The following TMTC2 variants were observed in gnomAD, a reference collection of about 807,000 sequenced individuals.
The protein encoded by TMTC2 is protein O-mannosyl-transferase TMTC2.
A neutral mutation model predicts 82.4 loss-of-function variants in TMTC2; 43 were observed. The observed-to-expected ratio is 0.52, with a 90% CI of 0.41 to 0.67. The LOEUF is 0.67. Among genes scored for constraint, TMTC2 ranks in the 30% least tolerant of loss-of-function variants. TMTC2 has a pLI of 0.00. For missense variants in TMTC2, 919 were observed against 1,012.4 expected (o/e 0.91, Z 1.25); for synonymous variants, 408 against 381.9 (o/e 1.07, Z -0.80).
At chr12:82,872,854 T>C (rs1339087718) in intron 2 of TMTC2, among the ~76,000 whole-genome samples, 2 of 152,174 alleles carry the variant, frequency 1.3e-5, no homozygotes, top group African/African-American at 4.8e-5. Context: ...ATGATTTTGA[T>C]TTTTTTAAAA....
At chr12:82,760,544 AAG>A (rs1876565680) in intron 1 of TMTC2, among the ~76,000 whole-genome samples, 2 of 150,626 alleles carry the variant, frequency 1.3e-5, no homozygotes. Flanking sequence ...TCTCCAGAGA[AAG>A]AGACATTTTA....
intron 1 of TMTC2, among the ~76,000 whole-genome samples, chr12:82,837,865 C>G (rs1018260431): frequency 6.6e-6 from 1 of 151,966 alleles, no homozygotes; most frequent in Non-Finnish European, 1.5e-5. Flanking sequence ...AAATGGCTTC[C>G]CTAGTACAGG....
chr12:83,132,066 G>A, intron 11 of TMTC2, 144 bp from the exon 12 acceptor site: 1 of 907,486 alleles, frequency 1.1e-6, no homozygotes, highest in Non-Finnish European at 1.6e-6. Flanking sequence ...ATCTTTATCT[G>A]TTTGTATAAA....
In TMTC2 at chr12:83,093,306, G is replaced by T. The variant is rs117912863; in HGVS notation, c.2331+31475G>T. ...TAAAAATTACATTTTTACATGTTCT[G>T]CCCTTGTCTGAACTTGACCAAAAAA... On this transcript the variant is annotated intron_variant, in intron 11 of 11. Transcript: ENST00000321196. Among the ~76,000 whole-genome samples, 872 of 152,220 alleles carry T rather than the reference G, an allele frequency of 5.7e-3. 5 individuals are homozygous for T. The highest frequency in any genetic ancestry group is 8.6e-3 in the Non-Finnish European group (582 of 68,006).
intron 3 of TMTC2, among the ~76,000 whole-genome samples, chr12:82,897,936 G>T (rs924496179): frequency 2.7e-5 from 4 of 149,916 alleles, no homozygotes; most frequent in African/African-American, 7.5e-5. Flanking sequence ...AACTGTTCCA[G>T]AATATGAAAA....
chr12:82,845,252 A>AATATATATATATAT (rs1555190263), intron 1 of TMTC2, among the ~76,000 whole-genome samples: 4 of 38,806 alleles, frequency 1.0e-4, no homozygotes, highest in African/African-American at 4.1e-4. Flanking sequence ...AAAAAAAAAA[A>AATATATATATATAT]ATATATATAT....
intron 3 of TMTC2, among the ~76,000 whole-genome samples, chr12:82,927,783 G>C (rs1185398851): frequency 1.3e-5 from 2 of 152,180 alleles, no homozygotes; most frequent in Non-Finnish European, 2.9e-5. Flanking sequence ...CAAAGATTAA[G>C]ACTCACCAAG....
chr12:82,969,209 A>C (rs140507617), intron 7 of TMTC2, among the ~76,000 whole-genome samples: 8 of 152,266 alleles, frequency 5.3e-5, no homozygotes, highest in African/African-American at 1.9e-4. Flanking sequence ...TTATCCTATC[A>C]AGTTTATCAA....
At chr12:82,728,071 C>T (rs978532575) in intron 1 of TMTC2, among the ~76,000 whole-genome samples, 1 of 152,046 alleles carries the variant, frequency 6.6e-6, no homozygotes, top group African/African-American at 2.4e-5. Context: ...CCTGTGGTAC[C>T]AGGCAGTTTC....
At chr12:82,986,733 A>T (rs1396107201) in intron 8 of TMTC2, among the ~76,000 whole-genome samples, 1 of 152,244 alleles carries the variant, frequency 6.6e-6, no homozygotes, top group African/African-American at 2.4e-5. Context: ...CCATTTCACG[A>T]AAGTGACATG....
chr12:82,735,234 A>G (rs1875024205), intron 1 of TMTC2, among the ~76,000 whole-genome samples: 1 of 152,328 alleles, frequency 6.6e-6, no homozygotes, highest in Non-Finnish European at 1.5e-5. Flanking sequence ...TAAACCCAAT[A>G]TCACAATACA....
At chr12:82,880,114 T>G (rs1490049815) in intron 2 of TMTC2, among the ~76,000 whole-genome samples, 1 of 152,180 alleles carries the variant, frequency 6.6e-6, no homozygotes, top group African/African-American at 2.4e-5. Context: ...ATGGGTTGAT[T>G]TGGGATATGG....
At chr12:83,092,490 T>C (rs1232097976) in intron 11 of TMTC2, among the ~76,000 whole-genome samples, 1 of 152,174 alleles carries the variant, frequency 6.6e-6, no homozygotes, top group Non-Finnish European at 1.5e-5. Flanking sequence ...CCCCTGAATC[T>C]AGCCTCAAGA....
chr12:82,838,782 T>G (rs900932512), intron 1 of TMTC2, among the ~76,000 whole-genome samples: 1 of 133,070 alleles, frequency 7.5e-6, no homozygotes, highest in Admixed American at 6.7e-5. Context: ...ATATTTTTTC[T>G]TGTTTTTTTT....
chr12:83,013,564 G>T (rs1880550865), intron 8 of TMTC2, among the ~76,000 whole-genome samples: 2 of 151,998 alleles, frequency 1.3e-5, no homozygotes, highest in South Asian at 4.1e-4. Flanking sequence ...TGCCTATTCA[G>T]TACTTTTTAT....
intron 1 of TMTC2, among the ~76,000 whole-genome samples, chr12:82,843,389 A>G (rs1870451689): frequency 6.6e-6 from 1 of 151,900 alleles, no homozygotes; most frequent in South Asian, 2.1e-4. Context: ...GCCCAGCAGG[A>G]CTCTTACTTT....
At chr12:83,095,310 G>A (rs544645277) in intron 11 of TMTC2, among the ~76,000 whole-genome samples, 7 of 149,778 alleles carry the variant, frequency 4.7e-5, no homozygotes, top group South Asian at 2.1e-4. Context: ...GCGTGATCTC[G>A]GCTCACTGCA....
chr12:83,115,782 CTGTTGT>C (rs374555944), intron 11 of TMTC2, among the ~76,000 whole-genome samples: 1 of 151,344 alleles, frequency 6.6e-6, no homozygotes, highest in Non-Finnish European at 1.5e-5. Flanking sequence ...ATTGTAGTTT[CTGTTGT>C]TGTTGTTGTT....
intron 4 of TMTC2, among the ~76,000 whole-genome samples, chr12:82,949,552 T>A (rs1454443723): frequency 6.6e-6 from 1 of 152,200 alleles, no homozygotes; most frequent in Non-Finnish European, 1.5e-5. Context: ...TCAGAGCATG[T>A]CTTTGGCTTT....
Sources: allele counts gnomAD v4.1 joint callset (sites outside exome capture counted in the v4.1 genomes callset), GRCh38; gene constraint gnomAD v4.1.1; transcripts MANE v1.5; gene names NCBI Gene and HGNC (gene_info 2026-07-23, HGNC 2026-07-21).